The following DACH1 variants were observed in gnomAD, a reference collection of about 807,000 sequenced individuals.
DACH1 encodes the protein dachshund family transcription factor 1.
In DACH1, 12 loss-of-function variants were observed where a neutral mutation model predicts 54.2. The observed-to-expected ratio is 0.22, with a 90% CI of 0.14 to 0.36. DACH1 has a LOEUF of 0.36. DACH1 is among the 10% of genes least tolerant of loss of function. The pLI is 1.00. For missense variants in DACH1, 805 were observed against 929.8 expected (o/e 0.87, Z 1.75); for synonymous variants, 386 against 366.2 (o/e 1.05, Z -0.62).
chr13:71,831,391 A>C (rs1474721370), intron 1 of DACH1, among the ~76,000 whole-genome samples: 2 of 151,916 alleles, frequency 1.3e-5, no homozygotes, highest in African/African-American at 4.8e-5. Context: ...GTTAAAAAAA[A>C]ATAGTAAGGT....
intron 4 of DACH1, among the ~76,000 whole-genome samples, chr13:71,572,143 C>A (rs1333371512): frequency 6.6e-6 from 1 of 151,978 alleles, no homozygotes; most frequent in African/African-American, 2.4e-5. Flanking sequence ...TTTGTTATTT[C>A]TTACTCCTTA....
At chr13:71,682,108 T>G (rs1173577591) in intron 1 of DACH1, among the ~76,000 whole-genome samples, 198 bp from the exon 2 acceptor site, 1 of 152,208 alleles carries the variant, frequency 6.6e-6, no homozygotes, top group East Asian at 1.9e-4. Flanking sequence ...CAGCCACTCC[T>G]GATGCATAAT....
At chr13:71,827,338 G>C (rs922246457) in intron 1 of DACH1, among the ~76,000 whole-genome samples, 1 of 152,022 alleles carries the variant, frequency 6.6e-6, no homozygotes, top group Non-Finnish European at 1.5e-5. Context: ...TAACGTATTG[G>C]CTGCAGAAAC....
chr13:71,821,109 T>A (rs1244137807), intron 1 of DACH1, among the ~76,000 whole-genome samples: 1 of 152,208 alleles, frequency 6.6e-6, no homozygotes, highest in Non-Finnish European at 1.5e-5. Context: ...GACTCCTGAT[T>A]GAAGTATCTG....
At chr13:71,705,525 A>G (rs1452295972) in intron 1 of DACH1, among the ~76,000 whole-genome samples, 1 of 152,220 alleles carries the variant, frequency 6.6e-6, no homozygotes, top group Admixed American at 6.5e-5. Flanking sequence ...ATCATTAAAC[A>G]TCATTAAAAA....
intron 3 of DACH1, among the ~76,000 whole-genome samples, chr13:71,613,026 C>A (rs767115257): frequency 7.2e-5 from 11 of 152,218 alleles, no homozygotes; most frequent in Non-Finnish European, 1.6e-4. Context: ...ATGAAGCAAA[C>A]AGGCTTGCAA....
chr13:71,475,639 C>T (rs1336127576), intron 9 of DACH1, 67 bp downstream of exon 9: 3 of 1,495,530 alleles, frequency 2.0e-6, no homozygotes, highest in Non-Finnish European at 2.7e-6. Context: ...ACTACAAACA[C>T]ATGCCTAAAC....
intron 3 of DACH1, among the ~76,000 whole-genome samples, chr13:71,605,893 C>T (rs1874846500): frequency 6.6e-6 from 1 of 151,860 alleles, no homozygotes; most frequent in African/African-American, 2.4e-5. Flanking sequence ...ATGTAATAAA[C>T]TGAATAATAA....
chr13:71,637,513 T>C (rs1482096138), intron 2 of DACH1, among the ~76,000 whole-genome samples: 1 of 152,210 alleles, frequency 6.6e-6, no homozygotes, highest in Non-Finnish European at 1.5e-5. Context: ...TTTGGCTCTC[T>C]ACATTGATCA....
chr13:71,466,171 C>T (rs898728157), intron 10 of DACH1, among the ~76,000 whole-genome samples: 6 of 152,064 alleles, frequency 3.9e-5, no homozygotes, highest in African/African-American at 1.4e-4. Flanking sequence ...CTCTTCCATG[C>T]TACTAATTAT....
At chr13:71,785,453 TACA>T (rs1388710528) in intron 1 of DACH1, among the ~76,000 whole-genome samples, 2 of 152,232 alleles carry the variant, frequency 1.3e-5, no homozygotes, top group East Asian at 3.8e-4. Context: ...AAATTCCCTT[TACA>T]TTGCTAACCA....
At chr13:71,607,119 G>A (rs920789532) in intron 3 of DACH1, among the ~76,000 whole-genome samples, 4 of 151,782 alleles carry the variant, frequency 2.6e-5, no homozygotes, top group Non-Finnish European at 5.9e-5. Flanking sequence ...AAACATAAGG[G>A]ACAGGAAAAA....
chr13:71,484,211 G>T (rs1044183482), intron 7 of DACH1, among the ~76,000 whole-genome samples: 2 of 152,138 alleles, frequency 1.3e-5, no homozygotes, highest in African/African-American at 4.8e-5. Flanking sequence ...ACCCAGGGTG[G>T]AGTGCAGTGG....
chr13:71,505,517 T>C (rs1378822695), intron 6 of DACH1, among the ~76,000 whole-genome samples: 2 of 152,144 alleles, frequency 1.3e-5, no homozygotes, highest in African/African-American at 2.4e-5. Flanking sequence ...TGTGTGTGTA[T>C]ACCTAAATGA....
At chr13:71,623,945 T>C (rs1222333235) in intron 3 of DACH1, among the ~76,000 whole-genome samples, 2 of 151,894 alleles carry the variant, frequency 1.3e-5, no homozygotes, top group South Asian at 2.1e-4. Flanking sequence ...ATTTATCCTT[T>C]AGATTTTCAC....
chr13:71,814,722 C>T (rs867645189), intron 1 of DACH1, among the ~76,000 whole-genome samples: 19 of 152,122 alleles, frequency 1.2e-4, no homozygotes, highest in African/African-American at 3.6e-4. Flanking sequence ...TAGCAATTGT[C>T]GTCTTATAAA....
intron 6 of DACH1, among the ~76,000 whole-genome samples, chr13:71,518,502 T>C (rs559529462): frequency 2.6e-5 from 4 of 152,022 alleles, no homozygotes; most frequent in Admixed American, 6.6e-5. Flanking sequence ...GCTACCTAAC[T>C]TATGATTACT....
At chr13:71,583,668 C>A (rs1460967381) in intron 3 of DACH1, among the ~76,000 whole-genome samples, 1 of 151,966 alleles carries the variant, frequency 6.6e-6, no homozygotes, top group Non-Finnish European at 1.5e-5. Context: ...CATGGGGAAA[C>A]CGTCTCTACA....
At chr13:71,737,825 T>C (rs73523497) in intron 1 of DACH1, among the ~76,000 whole-genome samples, 1,608 of 152,292 alleles carry the variant, frequency 0.011, 41 homozygotes, top group African/African-American at 0.036. Context: ...CAATGTTTAA[T>C]AGCTTATAAA....
Sources: allele counts gnomAD v4.1 joint callset (sites outside exome capture counted in the v4.1 genomes callset), GRCh38; gene constraint gnomAD v4.1.1; transcripts MANE v1.5; gene names NCBI Gene and HGNC (gene_info 2026-07-23, HGNC 2026-07-21).